Variants in ZNRF3 observed in about 807,000 individuals in gnomAD.
The protein encoded by ZNRF3 is E3 ubiquitin-protein ligase ZNRF3.
Under a neutral mutation model 72.5 loss-of-function variants are expected in ZNRF3, and 23 were observed. That is an observed-to-expected ratio of 0.32 (90% confidence interval 0.23 to 0.45). The LOEUF is 0.45. Ranked by LOEUF, ZNRF3 falls within the 20% of genes least tolerant of loss-of-function variation. The pLI, the probability that ZNRF3 is intolerant of heterozygous loss-of-function variation, is 1.00. For missense variants in ZNRF3, 1,169 were observed against 1,272.1 expected, an observed-to-expected ratio of 0.92 and a Z score of 1.23; for synonymous variants, 610 against 545.3, an observed-to-expected ratio of 1.12 and a Z score of -1.65.
At chr22:29,043,535 A>C in intron 4 of ZNRF3, 105 bp downstream of exon 4, 1 of 1,427,908 alleles carries the variant, frequency 7.0e-7, no homozygotes. Flanking sequence ...AAATGCTGGC[A>C]TACCCCAGGT....
At chr22:28,952,073 G>T (rs2035173502) in intron 1 of ZNRF3, among the ~76,000 whole-genome samples, 1 of 152,220 alleles carries the variant, frequency 6.6e-6, no homozygotes, top group Non-Finnish European at 1.5e-5. Context: ...CCTCCTGCGG[G>T]TTCCCAGCTG....
chr22:28,954,913 G>A (rs1300925869), intron 1 of ZNRF3, among the ~76,000 whole-genome samples: 1 of 151,812 alleles, frequency 6.6e-6, no homozygotes, highest in Non-Finnish European at 1.5e-5. Flanking sequence ...CCATATGCTG[G>A]GCACTGTGGG....
At chr22:28,887,202 CCTT>C (rs939579891) in intron 1 of ZNRF3, among the ~76,000 whole-genome samples, 6 of 150,068 alleles carry the variant, frequency 4.0e-5, no homozygotes, top group Admixed American at 2.0e-4. Flanking sequence ...TAACCCCCCT[CCTT>C]ATTATATGCC....
chr22:29,008,448 C>G (rs1448243163), intron 2 of ZNRF3, among the ~76,000 whole-genome samples: 1 of 152,216 alleles, frequency 6.6e-6, no homozygotes, highest in African/African-American at 2.4e-5. Context: ...GCATGATTTA[C>G]TTTGACTATT....
At chr22:29,008,358 G>A (rs959690161) in intron 2 of ZNRF3, among the ~76,000 whole-genome samples, 7 of 152,182 alleles carry the variant, frequency 4.6e-5, no homozygotes, top group Non-Finnish European at 1.0e-4. Context: ...CCCTGAGGGT[G>A]ATGGTTTCAC....
At chr22:28,983,717 G>A (rs1025905292) in intron 1 of ZNRF3, among the ~76,000 whole-genome samples, 1 of 152,164 alleles carries the variant, frequency 6.6e-6, no homozygotes, top group African/African-American at 2.4e-5. Context: ...GTGTGTATGT[G>A]TTCTCCCTAA....
rs2037115828 is a variant in ZNRF3, at chr22:29,048,460, C to T, written c.984C>T (p.His328=). 1 of 1,614,080 alleles carries T rather than the reference C, an allele frequency of 6.2e-7. No homozygotes were observed. ...KCVDPWLLQH[H]TCPHCRHNII... is the part of the protein sequence containing the mutation. ...TGGACCCCTGGCTGCTGCAGCACCA[C>T]ACCTGCCCCCACTGTCGGCACAACA... The change falls in exon 7 of 9, where the codon CAC becomes CAT. Residue 328 remains histidine (H), a synonymous_variant. Transcript: ENST00000544604. This position sits in a 1 kb window ranked among gnomAD's most constrained non-coding sequence, Gnocchi z 4.9.
At chr22:29,011,965 C>T (rs1458798109) in intron 2 of ZNRF3, among the ~76,000 whole-genome samples, 1 of 152,200 alleles carries the variant, frequency 6.6e-6, no homozygotes, top group Non-Finnish European at 1.5e-5. Context: ...AACAAGCCGA[C>T]AATGTGGGCC....
rs1177643344 is a variant in ZNRF3 at position 29,042,531 on chromosome 22, A to G, written c.463A>G (p.Ile155Val). 2 of 1,613,806 alleles carry G rather than the reference A, an allele frequency of 1.2e-6. No homozygotes were observed. Among genetic ancestry groups the G allele is most frequent in the Admixed American group, 3.3e-5 (2 of 60,018 alleles). The change falls in exon 3 of 9, where the codon ATC (isoleucine) becomes GTC (valine). Residue 155 changes from isoleucine (I) to valine (V), a missense_variant. By Grantham distance (29) the Ile-to-Val change is conservative (BLOSUM62 3). Coordinates refer to ENST00000544604, the MANE Select transcript of ZNRF3 (RefSeq NM_001206998.2). The stretch of plus-strand genomic sequence containing the variant: ...AGTACAGCGGGGAGCTACTGCAGTC[A>G]TCTTTGATGTGTCTGAAAACCCAGA... ...RAVQRGATAV[I>V]FDVSENPEAI...
In ZNRF3 at chr22:28,994,757, T is replaced by TA. The variant is rs570416295; in HGVS notation, c.426+7563dup. On this transcript the variant is annotated intron_variant, in intron 2 of 8. Transcript: ENST00000544604. ...CATGTTATGTATATTTTACCACAGT[T>TA]AAAAAAACAATGGTATTACTTAAAT... 1.0e-3 allele frequency among the ~76,000 whole-genome samples: 155 copies of TA among 152,240 alleles called. 5 individuals carry two copies. In the South Asian group the frequency reaches 0.022, roughly 22 times the overall value.
intron 2 of ZNRF3, among the ~76,000 whole-genome samples, chr22:29,001,574 C>T (rs923919268): frequency 1.3e-5 from 2 of 151,218 alleles, no homozygotes; most frequent in East Asian, 2.0e-4. Flanking sequence ...TGTGTTCAAG[C>T]GATTCTCCTG....
intron 1 of ZNRF3, among the ~76,000 whole-genome samples, chr22:28,907,240 A>G (rs1293508172): frequency 6.7e-6 from 1 of 149,362 alleles, no homozygotes; most frequent in Non-Finnish European, 1.5e-5. Context: ...CAATCTGCCC[A>G]CCTTGGCCTC....
At chr22:28,975,840 C>T (rs2035662373) in intron 1 of ZNRF3, among the ~76,000 whole-genome samples, 1 of 151,256 alleles carries the variant, frequency 6.6e-6, no homozygotes, top group African/African-American at 2.5e-5. Flanking sequence ...GTCTCATTGC[C>T]AGACCGCTTC....
At chr22:28,969,449 A>G (rs1028859798) in intron 1 of ZNRF3, among the ~76,000 whole-genome samples, 1 of 152,202 alleles carries the variant, frequency 6.6e-6, no homozygotes, top group African/African-American at 2.4e-5. Flanking sequence ...GGTGATATGT[A>G]AAGGAGGTTA....
intron 1 of ZNRF3, among the ~76,000 whole-genome samples, chr22:28,918,565 TGTGTG>T (rs2034452363): frequency 6.8e-6 from 1 of 147,556 alleles, no homozygotes; most frequent in Admixed American, 6.6e-5. Flanking sequence ...TGTGTGTGTG[TGTGTG>T]TGTGTGTGTG....
At chr22:28,981,046 G>T (rs1041393057) in intron 1 of ZNRF3, among the ~76,000 whole-genome samples, 6 of 152,206 alleles carry the variant, frequency 3.9e-5, no homozygotes, top group African/African-American at 1.2e-4. Flanking sequence ...GCTACATTAA[G>T]TTCAAAGTTA....
chr22:28,886,627 A>G (rs1352112698), intron 1 of ZNRF3, among the ~76,000 whole-genome samples: 1 of 152,160 alleles, frequency 6.6e-6, no homozygotes, highest in Non-Finnish European at 1.5e-5. Flanking sequence ...ACACAGTCTC[A>G]TTGAACTTTT....
intron 1 of ZNRF3, among the ~76,000 whole-genome samples, chr22:28,887,097 T>TTTATTTATTTATTTA (rs2033802182): frequency 1.3e-5 from 2 of 152,232 alleles, no homozygotes; most frequent in South Asian, 4.2e-4. Flanking sequence ...TCTGTAGCAG[T>TTTATTTATTTATTTA]TTTATTTATT....
intron 1 of ZNRF3, among the ~76,000 whole-genome samples, chr22:28,918,663 C>T (rs1044340450): frequency 6.6e-6 from 1 of 152,018 alleles, no homozygotes; most frequent in Non-Finnish European, 1.5e-5. Flanking sequence ...GCTGGAATCC[C>T]TTTGAAGGCA....
Sources: gnomAD v4.1 joint callset for allele counts (sites outside exome capture counted in the v4.1 genomes callset) on GRCh38, gnomAD v4.1.1 for gene constraint, Gnocchi (gnomAD v3.1) non-coding constraint, MANE v1.5 for transcripts, NCBI Gene and HGNC (gene_info 2026-07-23, HGNC 2026-07-21) for gene names.